The following DPP6 variants were observed in gnomAD, a reference collection of about 807,000 sequenced individuals.
The protein encoded by DPP6 is A-type potassium channel modulatory protein DPP6.
In DPP6, 69 loss-of-function variants were observed where a neutral mutation model predicts 122.6. The ratio of observed to expected loss-of-function variants is 0.56; its 90% CI spans 0.46 to 0.69. The LOEUF is 0.69. Among genes scored for constraint, DPP6 ranks in the 30% least tolerant of loss-of-function variants. DPP6 has a pLI of 0.00. For synonymous variants in DPP6, 418 were observed against 433.1 expected (o/e 0.97, Z 0.43); for missense variants, 928 against 1,116.9 (o/e 0.83, Z 2.41).
intron 1 of DPP6, among the ~76,000 whole-genome samples, chr7:154,255,469 G>A (rs1009712177): frequency 6.6e-6 from 1 of 152,212 alleles, no homozygotes; most frequent in East Asian, 1.9e-4. Flanking sequence ...AGCACTGGGG[G>A]AAAGGAGGTG....
chr7:154,461,671 G>A (rs1250277883), intron 2 of DPP6, among the ~76,000 whole-genome samples: 2 of 152,094 alleles, frequency 1.3e-5, no homozygotes, highest in Admixed American at 1.3e-4. Flanking sequence ...GTCTTCTTTT[G>A]AGAAATGTCT....
intron 4 of DPP6, among the ~76,000 whole-genome samples, chr7:154,557,169 C>T (rs1223427890): frequency 6.6e-6 from 1 of 152,158 alleles, no homozygotes; most frequent in Non-Finnish European, 1.5e-5. Flanking sequence ...GCTTATCCAC[C>T]AGATAAGTGG....
At chr7:154,079,468 C>T (rs577003565) in intron 1 of DPP6, among the ~76,000 whole-genome samples, 49 of 152,256 alleles carry the variant, frequency 3.2e-4, no homozygotes, top group Admixed American at 1.9e-3. Flanking sequence ...AGACTCACCC[C>T]GAAAACCCAA....
At chr7:153,789,388 C>T in the DPP6 span, among the ~76,000 whole-genome samples, 1 of 152,056 alleles carries the variant, frequency 6.6e-6, no homozygotes, top group East Asian at 1.9e-4. Flanking sequence ...TACAATATGA[C>T]AGATACATAA....
intron 1 of DPP6, among the ~76,000 whole-genome samples, chr7:153,897,433 G>C (rs1333274256): frequency 2.0e-5 from 3 of 152,184 alleles, no homozygotes. Context: ...TTGTGCCATT[G>C]TTGACAAGTT....
intron 1 of DPP6, among the ~76,000 whole-genome samples, chr7:154,060,235 A>G (rs1468781572): frequency 1.6e-5 from 2 of 124,564 alleles, no homozygotes; most frequent in Non-Finnish European, 3.3e-5. Flanking sequence ...TGCTCTTAGG[A>G]TCCCCATCGC....
chr7:154,725,183 A>G (rs1265254965), intron 7 of DPP6, among the ~76,000 whole-genome samples: 1 of 152,148 alleles, frequency 6.6e-6, no homozygotes, highest in African/African-American at 2.4e-5. Flanking sequence ...ATAATTGTTA[A>G]TGAATGTTGT....
In DPP6 at chr7:154,052,801, C is replaced by A. The variant is rs1175966285; in HGVS notation, c.-20C>A. ...AATATTAAAAAGCCCCAAAGACAGC[C>A]AGCAGGAGCGCGGTGCCCGATGGCT... On this transcript the variant is annotated 5_prime_UTR_variant, in exon 1 of 26. Coordinates refer to ENST00000377770, the MANE Select transcript of DPP6 (RefSeq NM_130797.4). This position sits in a 1 kb window ranked among gnomAD's most constrained non-coding sequence, Gnocchi z 4.8. 1 of 1,505,682 alleles carries A rather than the reference C, an allele frequency of 6.6e-7. No homozygotes were observed. Among genetic ancestry groups the A allele is most frequent in the Admixed American group, 2.0e-5 (1 of 49,704 alleles). The allele number at this position is 1,505,682 out of a possible 1,614,324, so 93.3% of individuals were successfully genotyped here.
chr7:154,103,644 G>A (rs571390566), intron 1 of DPP6, among the ~76,000 whole-genome samples: 9 of 152,384 alleles, frequency 5.9e-5, no homozygotes, highest in African/African-American at 2.2e-4. Context: ...AGTGGACTGG[G>A]AGAGGAAGAC....
intron 1 of DPP6, among the ~76,000 whole-genome samples, chr7:153,927,361 T>C (rs913738910): frequency 6.6e-6 from 1 of 152,224 alleles, no homozygotes; most frequent in African/African-American, 2.4e-5. Flanking sequence ...ATTGTAGATA[T>C]CTGTGGGGTA....
chr7:154,276,197 C>T (rs1316168814), intron 1 of DPP6, among the ~76,000 whole-genome samples: 1 of 152,176 alleles, frequency 6.6e-6, no homozygotes, highest in Non-Finnish European at 1.5e-5. Flanking sequence ...GTTAAAACCC[C>T]ATGCGTAGTT....
intron 1 of DPP6, among the ~76,000 whole-genome samples, chr7:154,045,506 G>A (rs1225624729): frequency 2.6e-5 from 4 of 152,368 alleles, no homozygotes; most frequent in South Asian, 2.1e-4. Context: ...CAGGGCCCAC[G>A]AATCTGCATT....
intron 1 of DPP6, among the ~76,000 whole-genome samples, chr7:154,266,349 G>C (rs1224138646): frequency 6.6e-6 from 1 of 152,278 alleles, no homozygotes; most frequent in Non-Finnish European, 1.5e-5. Flanking sequence ...CGCAGGCTTT[G>C]AAAGAAGGGA....
At chr7:153,784,437 A>G in the DPP6 span, among the ~76,000 whole-genome samples, 1 of 152,228 alleles carries the variant, frequency 6.6e-6, no homozygotes, top group African/African-American at 2.4e-5. Flanking sequence ...TGCCTAGAAT[A>G]ATTTATATCA....
At chr7:154,179,784 C>T (rs991702711) in intron 1 of DPP6, among the ~76,000 whole-genome samples, 1 of 152,164 alleles carries the variant, frequency 6.6e-6, no homozygotes, top group Non-Finnish European at 1.5e-5. Flanking sequence ...CATTCTGTAG[C>T]GTTCTACTTT....
At chr7:154,883,068 C>T (rs1805540494) in intron 21 of DPP6, among the ~76,000 whole-genome samples, 1 of 150,858 alleles carries the variant, frequency 6.6e-6, no homozygotes. Flanking sequence ...CATTCACACA[C>T]ATGCTCACCC....
At chr7:154,417,579 C>T (rs73726868) in intron 1 of DPP6, among the ~76,000 whole-genome samples, 12,394 of 152,194 alleles carry the variant, frequency 0.081, 578 homozygotes, top group East Asian at 0.11. Flanking sequence ...CTCCCAGAAG[C>T]GAAGAGATGG....
intron 1 of DPP6, among the ~76,000 whole-genome samples, chr7:154,243,613 C>G (rs112569908): frequency 0.038 from 5,829 of 151,868 alleles, 178 homozygotes; most frequent in East Asian, 0.13. Flanking sequence ...GGCTAACACA[C>G]TGAAACCCCG....
intron 1 of DPP6, among the ~76,000 whole-genome samples, chr7:154,351,748 C>G (rs1810874555): frequency 6.6e-6 from 1 of 152,190 alleles, no homozygotes; most frequent in East Asian, 1.9e-4. Flanking sequence ...AGGATGTTAA[C>G]AAGCAGCCTT....
Sources: allele counts gnomAD v4.1 joint callset (sites outside exome capture counted in the v4.1 genomes callset), GRCh38; gene constraint gnomAD v4.1.1; non-coding constraint Gnocchi (gnomAD v3.1); transcripts MANE v1.5; gene names NCBI Gene and HGNC (gene_info 2026-07-23, HGNC 2026-07-21).